MLXIP: variants seen among roughly 807,000 people sequenced by gnomAD.
MLXIP encodes MLX-interacting protein.
Under a neutral mutation model 87.2 loss-of-function variants are expected in MLXIP, and 30 were observed. The ratio of observed to expected loss-of-function variants is 0.34; its 90% CI spans 0.26 to 0.47. The LOEUF (loss-of-function observed/expected upper bound fraction) is 0.47, where lower values mean the gene tolerates loss of function less well. Among genes scored for constraint, MLXIP ranks in the 20% least tolerant of loss-of-function variants. The pLI, the probability that MLXIP is intolerant of heterozygous loss-of-function variation, is 1.00. For synonymous variants in MLXIP, 530 were observed against 514.0 expected (o/e 1.03, Z -0.42); for missense variants, 1,002 against 1,240.1 (o/e 0.81, Z 2.88).
intron 1 of MLXIP, among the ~76,000 whole-genome samples, chr12:122,116,915 G>A (rs1952700967): frequency 6.6e-6 from 1 of 152,238 alleles, no homozygotes; most frequent in Non-Finnish European, 1.5e-5. Flanking sequence ...ACATGGTGGT[G>A]TCTGTCCTCT....
At chr12:122,138,096 C>A in intron 12 of MLXIP, 98 bp from the exon 13 acceptor site, 1 of 1,072,214 alleles carries the variant, frequency 9.3e-7, no homozygotes, top group Non-Finnish European at 1.4e-6. Flanking sequence ...CTCTCTAGCC[C>A]TGGCCCTTGG....
intron 1 of MLXIP, among the ~76,000 whole-genome samples, chr12:122,096,437 C>T (rs989084215): frequency 6.6e-6 from 1 of 151,990 alleles, no homozygotes; most frequent in East Asian, 1.9e-4. Flanking sequence ...ATGTCTGCTT[C>T]CTCCTCCTTC....
Position 122,144,867 on chromosome 12 carries a change from AC to A in MLXIP, c.*3056del, listed in dbSNP as rs1479972991. 1 of 152,182 alleles carries A rather than the reference AC, an allele frequency of 6.6e-6. No homozygotes were observed. The highest frequency in any genetic ancestry group is 6.5e-5 in the Admixed American group (1 of 15,272). The allele number at this position is 152,182 out of a possible 1,614,324, so 9.4% of individuals were successfully genotyped here. A position where few individuals can be genotyped will look rare whatever the true frequency, so the allele number is the denominator to read the frequency against. The stretch of plus-strand genomic sequence containing the variant: ...GTACCACTGCACTCCAGCCTGGGTG[AC>A]AGAGCAAAACCCTATCTCAAAAAAA... On this transcript the variant is annotated 3_prime_UTR_variant, in exon 17 of 17. Transcript: ENST00000319080.
intron 1 of MLXIP, among the ~76,000 whole-genome samples, chr12:122,101,818 A>C (rs996064347): frequency 3.9e-5 from 6 of 152,030 alleles, no homozygotes; most frequent in Non-Finnish European, 7.4e-5. Flanking sequence ...TGACCTTGTG[A>C]TCCACCCACC....
chr12:122,093,471 TGTGTTTG>T (rs1952281643), intron 1 of MLXIP, among the ~76,000 whole-genome samples: 1 of 138,654 alleles, frequency 7.2e-6, no homozygotes, highest in Admixed American at 7.3e-5. Flanking sequence ...ATGTTTGCGG[TGTGTTTG>T]GTGTGTGGTG....
In MLXIP at chr12:122,078,921, A is replaced by G; in HGVS notation, c.68A>G (p.Lys23Arg). ...AGCCGGGGCCGCCAGGTGCTGCTCA[A>G]GCCCCAGGTGTCCGAGGACGACGAC... ...PRSRGRQVLL[K>R]PQVSEDDDDS... Residue 23 changes from lysine to arginine, a missense_variant, in exon 1 of 17, where the codon AAG (lysine) becomes AGG (arginine). Lys to Arg is a conservative substitution (Grantham distance 26, BLOSUM62 2). This residue lies in a region of MLXIP where 129 missense variants were observed against 104.2 expected (regional missense o/e 1.24). Transcript: ENST00000319080. The G allele has an allele frequency of 2.6e-6, 3 of 1,137,606 alleles. No homozygotes were observed. The highest frequency in any genetic ancestry group is 1.2e-4 in the East Asian group (2 of 17,188). The allele number at this position is 1,137,606 out of a possible 1,614,324, so 70.5% of individuals were successfully genotyped here. A position where few individuals can be genotyped will look rare whatever the true frequency, so the allele number is the denominator to read the frequency against.
intron 1 of MLXIP, among the ~76,000 whole-genome samples, chr12:122,125,531 A>G (rs1222961764): frequency 2.0e-5 from 3 of 152,080 alleles, no homozygotes; most frequent in African/African-American, 7.2e-5. Flanking sequence ...CGTCATTCTG[A>G]TTTTACCCAG....
chr12:122,078,911 G>T lies in MLXIP; in HGVS notation c.58G>T (p.Val20Leu). The stretch of plus-strand genomic sequence containing the variant: ...CCGGCCTCGCAGCCGGGGCCGCCAG[G>T]TGCTGCTCAAGCCCCAGGTGTCCGA... Reference protein sequence around the residue: ...PRRPRSRGRQVLLKPQVSEDD... With the variant: ...PRRPRSRGRQLLLKPQVSEDD... The change falls in exon 1 of 17, where the codon GTG becomes TTG. Residue 20 changes from valine (V) to leucine (L), a missense_variant. Val to Leu is a conservative substitution (Grantham distance 32, BLOSUM62 1). Coordinates refer to ENST00000319080, the MANE Select transcript of MLXIP (RefSeq NM_014938.6). 8.7e-7 allele frequency: 1 copy of T among 1,146,870 alleles called. No homozygotes were observed. The highest frequency in any genetic ancestry group is 5.5e-5 in the East Asian group (1 of 18,156). The allele number at this position is 1,146,870 out of a possible 1,614,324, so 71.0% of individuals were successfully genotyped here.
At chr12:122,095,296 GT>G (rs1380060629) in intron 1 of MLXIP, among the ~76,000 whole-genome samples, 39 of 149,448 alleles carry the variant, frequency 2.6e-4, no homozygotes, top group African/African-American at 9.2e-4. Flanking sequence ...TGTTGTGTGT[GT>G]GGGGGGGTGT....
intron 1 of MLXIP, among the ~76,000 whole-genome samples, chr12:122,102,239 TA>T (rs1035799478): frequency 2.6e-5 from 4 of 151,664 alleles, no homozygotes; most frequent in African/African-American, 9.7e-5. Context: ...TTCTACAAAT[TA>T]AAAAAAACAC....
chr12:122,127,441 C>T, intron 2 of MLXIP, 79 bp downstream of exon 2: 1 of 1,002,284 alleles, frequency 1.0e-6, no homozygotes, highest in Non-Finnish European at 1.5e-6. Flanking sequence ...GGACCAGAGT[C>T]TGCTCCTGGG....
At chr12:122,089,009 C>CA (rs1177216284) in intron 1 of MLXIP, among the ~76,000 whole-genome samples, 4,427 of 47,606 alleles carry the variant, frequency 0.093, 166 homozygotes, top group South Asian at 0.22. Flanking sequence ...CCCATCTCTA[C>CA]AAAAAAAAAA....
chr12:122,137,825 G>A lies in MLXIP; in HGVS notation c.2154+235G>A, dbSNP rs547955045. ...GCCTGGGAGCCAACGCTGAGTCCAC[G>A]TAGTGTGCAGGTACTGCTCAGGCTG... is the stretch of plus-strand genomic sequence containing the variant. On this transcript the variant is annotated intron_variant, in intron 12 of 16. Transcript: ENST00000319080. The surrounding 1 kb of genome is among the most constrained non-coding windows in gnomAD (Gnocchi z 4.1). Among the ~76,000 whole-genome samples, 4 of 152,342 alleles carry A rather than the reference G, an allele frequency of 2.6e-5. No homozygotes were observed. Among genetic ancestry groups the A allele is most frequent in the African/African-American group, 9.6e-5 (4 of 41,578 alleles).
rs1357640549 is a variant in MLXIP, at chr12:122,138,888, T to C, written c.2458T>C (p.Phe820Leu). 1.2e-6 allele frequency: 2 copies of C among 1,614,090 alleles called. No homozygotes were observed. The highest frequency in any genetic ancestry group is 2.2e-5 in the South Asian group (2 of 91,088). Residue 820 changes from phenylalanine (F) to leucine (L), a missense_variant, in exon 15 of 17, where the codon TTT becomes CTT. Coordinates refer to ENST00000319080, the MANE Select transcript of MLXIP (RefSeq NM_014938.6). ...CCAGTTTGATCACATGAAAGACATG[T>C]TTGACGAATACGTGAAAACCCGGAC... ...RRQFDHMKDM[F>L]DEYVKTRTLQ...
intron 15 of MLXIP, among the ~76,000 whole-genome samples, chr12:122,139,835 G>A (rs939884294): frequency 2.0e-5 from 3 of 152,096 alleles, no homozygotes; most frequent in South Asian, 2.1e-4. Context: ...CACCACGCCC[G>A]GCTAATTTTT....
chr12:122,085,379 G>A (rs1038049740), intron 1 of MLXIP, among the ~76,000 whole-genome samples: 3 of 152,060 alleles, frequency 2.0e-5, no homozygotes, highest in African/African-American at 7.2e-5. Flanking sequence ...CAGGGACCTG[G>A]AAGCCAACTT....
At chr12:122,140,846 A>G (rs762431387) in intron 15 of MLXIP, 108 bp from the exon 16 acceptor site, 2 of 1,523,230 alleles carry the variant, frequency 1.3e-6, no homozygotes, top group African/African-American at 2.7e-5. Context: ...CTCTGTGGGC[A>G]GATACTTTCC....
At chr12:122,095,439 T>C (rs1265718374) in intron 1 of MLXIP, among the ~76,000 whole-genome samples, 2 of 152,058 alleles carry the variant, frequency 1.3e-5, no homozygotes, top group Non-Finnish European at 2.9e-5. Context: ...TTATGGTTCT[T>C]AAGTGCCTTA....
At chr12:122,097,270 G>T (rs1267748981) in intron 1 of MLXIP, among the ~76,000 whole-genome samples, 1 of 152,088 alleles carries the variant, frequency 6.6e-6, no homozygotes, top group Non-Finnish European at 1.5e-5. Flanking sequence ...TGCTTAAGCA[G>T]TCCTGTCACC....
Sources: allele counts gnomAD v4.1 joint callset (sites outside exome capture counted in the v4.1 genomes callset), GRCh38; gene constraint gnomAD v4.1.1; regional missense constraint gnomAD v4.1.1; non-coding constraint Gnocchi (gnomAD v3.1); transcripts MANE v1.5; gene names NCBI Gene and HGNC (gene_info 2026-07-23, HGNC 2026-07-21).